The following BAG3 variants were observed in gnomAD, a reference collection of about 807,000 sequenced individuals.
BAG3 encodes the protein BAG family molecular chaperone regulator 3.
Under a neutral mutation model 40.5 loss-of-function variants are expected in BAG3, and 14 were observed. The observed-to-expected ratio is 0.35, with a 90% confidence interval of 0.23 to 0.54. The LOEUF (loss-of-function observed/expected upper bound fraction) is 0.54, where lower values mean the gene tolerates loss of function less well. Among genes scored for constraint, BAG3 ranks in the 20% least tolerant of loss-of-function variants. The pLI, the probability that BAG3 is intolerant of heterozygous loss-of-function variation, is 0.91. For synonymous variants in BAG3, 302 were observed against 307.8 expected (o/e 0.98, Z 0.20); for missense variants, 788 against 758.6 (o/e 1.04, Z -0.46).
intron 1 of BAG3, among the ~76,000 whole-genome samples, chr10:119,661,529 G>T (rs986444591): frequency 2.0e-5 from 3 of 151,950 alleles, no homozygotes; most frequent in Non-Finnish European, 2.9e-5. Flanking sequence ...CTGTTTATTT[G>T]GACACAGCTG....
Position 119,651,404 on chromosome 10 carries a change from A to G in BAG3, c.-272A>G. 1 of 342,038 alleles carries G rather than the reference A, an allele frequency of 2.9e-6. No homozygotes were observed. Among genetic ancestry groups the G allele is most frequent in the Non-Finnish European group, 5.2e-6 (1 of 191,330 alleles). 21.2% of individuals were successfully genotyped at this position (342,038 alleles called of 1,614,324 possible). ...CGCATCCAACCCCGGGCCGCGGCCA[A>G]CTTCTCTGGACTGGACCAGAAGTTT... On this transcript the variant is annotated 5_prime_UTR_variant, in exon 1 of 4. Coordinates refer to ENST00000369085, the MANE Select transcript of BAG3 (RefSeq NM_004281.4).
At chr10:119,665,138 A>ATTTT (rs1442380822) in intron 1 of BAG3, among the ~76,000 whole-genome samples, 8,356 of 81,976 alleles carry the variant, frequency 0.1, 1,022 homozygotes, top group Non-Finnish European at 0.12. Flanking sequence ...ATATATATAT[A>ATTTT]TATATATTTT....
Position 119,672,539 on chromosome 10 carries a change from C to G in BAG3, c.792C>G (p.Ser264=), listed in dbSNP as rs1467256368. ...AGCCCCGGCCCCTGCGGGCGGCATCCCCGTTCAGGTCATCTGTCCAGGGTG... is the reference window on the plus strand; with the variant it reads ...AGCCCCGGCCCCTGCGGGCGGCATCGCCGTTCAGGTCATCTGTCCAGGGTG... The part of the protein sequence containing the change: ...DWEPRPLRAA[S]PFRSSVQGAS... Residue 264 remains serine (S), a synonymous_variant, in exon 3 of 4, where the codon TCC becomes TCG. Transcript: ENST00000369085. This position sits in a 1 kb window ranked among gnomAD's most constrained non-coding sequence, Gnocchi z 4.8. 2 of 1,613,778 alleles carry G rather than the reference C, an allele frequency of 1.2e-6. No homozygotes were observed. The highest frequency in any genetic ancestry group is 1.3e-5 in the African/African-American group (1 of 74,936).
Position 119,672,599 on chromosome 10 carries a change from C to T in BAG3, c.852C>T (p.Ser284=). The part of the protein sequence containing the change: ...SSREGSPARS[S]TPLHSPSPIR... Reference sequence around the variant, plus strand: ...GGGAGGGCTCACCAGCCAGGAGCAGCACGCCACTCCACTCCCCCTCGCCCA... The same window carrying T: ...GGGAGGGCTCACCAGCCAGGAGCAGTACGCCACTCCACTCCCCCTCGCCCA... The change falls in exon 3 of 4, where the codon AGC becomes AGT. Residue 284 remains serine, a synonymous_variant. Coordinates refer to ENST00000369085, the MANE Select transcript of BAG3 (RefSeq NM_004281.4). This position sits in a 1 kb window ranked among gnomAD's most constrained non-coding sequence, Gnocchi z 4.8. 6.2e-7 allele frequency: 1 copy of T among 1,614,122 alleles called. No homozygotes were observed. The highest frequency in any genetic ancestry group is 8.5e-7 in the Non-Finnish European group (1 of 1,180,024).
Position 119,676,784 on chromosome 10 carries a change from A to G in BAG3, c.1230A>G (p.Pro410=), listed in dbSNP as rs1319389903. ...TAPAEATPPK[P]GEAEAPPKHP... ...CTGCAGAAGCTACACCTCCAAAACC[A>G]GGAGAAGCCGAGGCTCCCCCAAAAC... The change falls in exon 4 of 4, where the codon CCA becomes CCG. Residue 410 remains proline (P), a synonymous_variant. Transcript: ENST00000369085. The G allele has an allele frequency of 6.2e-7, 1 of 1,613,954 alleles. No homozygotes were observed. The highest frequency in any genetic ancestry group is 2.2e-5 in the East Asian group (1 of 44,898).
intron 1 of BAG3, among the ~76,000 whole-genome samples, chr10:119,668,356 G>A (rs940178717): frequency 1.3e-5 from 2 of 152,238 alleles, no homozygotes; most frequent in African/African-American, 4.8e-5. Flanking sequence ...CCTTACTTTT[G>A]ATTGATTCCG....
At chr10:119,673,207 A>G (rs1008460545) in intron 3 of BAG3, among the ~76,000 whole-genome samples, 2 of 152,138 alleles carry the variant, frequency 1.3e-5, no homozygotes, top group Non-Finnish European at 2.9e-5. Context: ...CATCCTTCTC[A>G]TCTCATGATG....
chr10:119,651,741 GC>G lies in BAG3; in HGVS notation c.72del (p.Gly25AspfsTer186), dbSNP rs727502897. The stretch of plus-strand genomic sequence containing the variant: ...CCGGCAACGGTGACCGCGACCCTTT[GC>G]CCCCCGGATGGGAGATCAAGATCGA... ...ASGNGDRDPL[P>X]PGWEIKIDPQ... On this transcript the variant is annotated frameshift_variant, in exon 1 of 4. Coordinates refer to ENST00000369085, the MANE Select transcript of BAG3 (RefSeq NM_004281.4). LOFTEE classifies it high-confidence loss of function. 6 of 1,599,354 alleles carry G rather than the reference GC, an allele frequency of 3.8e-6. No homozygotes were observed. The highest frequency in any genetic ancestry group is 4.6e-5 in the East Asian group (2 of 43,670).
chr10:119,658,483 T>C (rs1846945690), intron 1 of BAG3, among the ~76,000 whole-genome samples: 1 of 152,224 alleles, frequency 6.6e-6, no homozygotes, highest in Admixed American at 6.5e-5. Flanking sequence ...CATGGAGCGC[T>C]GGCTCCCTGA....
At chr10:119,662,047 T>C (rs1357530273) in intron 1 of BAG3, among the ~76,000 whole-genome samples, 1 of 151,782 alleles carries the variant, frequency 6.6e-6, no homozygotes, top group East Asian at 1.9e-4. Flanking sequence ...ACTTTGTTTT[T>C]TGTTTTGGTT....
At chr10:119,665,142 A>ATT (rs1366963228) in intron 1 of BAG3, among the ~76,000 whole-genome samples, 3 of 87,828 alleles carry the variant, frequency 3.4e-5, no homozygotes, top group African/African-American at 9.4e-5. Flanking sequence ...ATATATATAT[A>ATT]TATTTTTTTT....
chr10:119,658,028 G>T (rs921000267), intron 1 of BAG3, among the ~76,000 whole-genome samples: 2 of 152,264 alleles, frequency 1.3e-5, no homozygotes, highest in African/African-American at 4.8e-5. Context: ...ACAGAGCTGT[G>T]CCCCAGTGAA....
At chr10:119,662,972 G>A (rs1847013707) in intron 1 of BAG3, among the ~76,000 whole-genome samples, 1 of 152,150 alleles carries the variant, frequency 6.6e-6, no homozygotes, top group African/African-American at 2.4e-5. Context: ...CCGAGATCGC[G>A]CCACTGCACT....
chr10:119,656,859 T>A (rs1022208287), intron 1 of BAG3, among the ~76,000 whole-genome samples: 1 of 152,094 alleles, frequency 6.6e-6, no homozygotes, highest in African/African-American at 2.4e-5. Flanking sequence ...CCTCACCAGC[T>A]CTTTGAACTA....
At chr10:119,655,046 G>A (rs985242214) in intron 1 of BAG3, among the ~76,000 whole-genome samples, 2 of 152,212 alleles carry the variant, frequency 1.3e-5, no homozygotes, top group African/African-American at 4.8e-5. Flanking sequence ...TTTTTTGGTG[G>A]TTCTGATTCT....
At chr10:119,652,177 G>T (rs1846851850) in intron 1 of BAG3, among the ~76,000 whole-genome samples, 1 of 152,072 alleles carries the variant, frequency 6.6e-6, no homozygotes, top group Non-Finnish European at 1.5e-5. Flanking sequence ...CTGGCCTCGC[G>T]CTCTAGGGCT....
intron 3 of BAG3, among the ~76,000 whole-genome samples, chr10:119,674,975 TCAAAAACAAAAA>T (rs375235401): frequency 9.4e-6 from 1 of 106,350 alleles, no homozygotes; most frequent in African/African-American, 3.6e-5. Context: ...AGGCTCCGTC[TCAAAAACAAAAA>T]CAAAAACAAA....
intron 3 of BAG3, among the ~76,000 whole-genome samples, chr10:119,674,659 A>G (rs1275936658): frequency 6.6e-6 from 1 of 152,226 alleles, no homozygotes; most frequent in African/African-American, 2.4e-5. Flanking sequence ...ATTCACTTAC[A>G]TGAATAAGAG....
At position 119,665,212 on chromosome 10, in the gene BAG3, C is replaced by T. The variant is rs185197507; in HGVS notation, c.181-4639C>T. 4.4e-3 allele frequency among the ~76,000 whole-genome samples: 643 copies of T among 145,866 alleles called. 4 individuals carry two copies. The highest frequency in any genetic ancestry group is 0.011 in the Admixed American group (163 of 14,408). ...AGTGCAGTGGTGCGATCTCGGCTCA[C>T]TGCAAGCTCCACCTCCCGGGTTCAC... is the stretch of plus-strand genomic sequence containing the variant. On this transcript the variant is annotated intron_variant, in intron 1 of 3. Coordinates refer to ENST00000369085, the MANE Select transcript of BAG3 (RefSeq NM_004281.4).
Sources: gnomAD v4.1 joint callset for allele counts (sites outside exome capture counted in the v4.1 genomes callset) on GRCh38, gnomAD v4.1.1 for gene constraint, Gnocchi (gnomAD v3.1) non-coding constraint, MANE v1.5 for transcripts, NCBI Gene and HGNC (gene_info 2026-07-23, HGNC 2026-07-21) for gene names.